The following GLRA3 variants were observed in gnomAD, a reference collection of about 807,000 sequenced individuals.
The protein encoded by GLRA3 is glycine receptor subunit alpha-3.
GLRA3 carries 44 observed loss-of-function variants against 60.4 expected under a neutral mutation model. That is an observed-to-expected ratio of 0.73 (90% CI 0.57 to 0.94). The LOEUF is 0.94. Among genes scored for constraint, GLRA3 ranks in the 40% least tolerant of loss-of-function variants. GLRA3 has a pLI of 0.00. For missense variants in GLRA3, 508 were observed against 564.6 expected (o/e 0.90, Z 1.02); for synonymous variants, 223 against 192.9 (o/e 1.16, Z -1.29).
chr4:174,805,112 G>C (rs1186538826), intron 1 of GLRA3, among the ~76,000 whole-genome samples: 1 of 152,060 alleles, frequency 6.6e-6, no homozygotes, highest in African/African-American at 2.4e-5. Context: ...GCTGCTTTTT[G>C]TTAAAAAAGA....
At chr4:174,730,834 A>C (rs1345794626) in intron 3 of GLRA3, among the ~76,000 whole-genome samples, 2 of 152,190 alleles carry the variant, frequency 1.3e-5, no homozygotes, top group African/African-American at 2.4e-5. Context: ...TAATACATTT[A>C]GTTTAGGGAA....
intron 9 of GLRA3, among the ~76,000 whole-genome samples, chr4:174,650,753 A>G (rs1028490094): frequency 6.6e-6 from 1 of 152,198 alleles, no homozygotes; most frequent in Admixed American, 6.5e-5. Context: ...ATTCTGTGTG[A>G]CAATGGGCCA....
rs184346196 is a variant in GLRA3, at chr4:174,747,449, G to A, written c.268-18751C>T. Among the ~76,000 whole-genome samples the A allele has an allele frequency of 6.2e-3, 947 of 152,196 alleles. 3 individuals carry two copies. Among genetic ancestry groups the A allele is most frequent in the Non-Finnish European group, 8.1e-3 (549 of 68,014 alleles). ...GGAAATTTGAATTTTGCTCCAACAG[G>A]AATTATTTGAGAGCCAATGAAAGAG... On this transcript the variant is annotated intron_variant, in intron 3 of 9. Transcript: ENST00000274093.
intron 7 of GLRA3, among the ~76,000 whole-genome samples, chr4:174,670,733 A>C (rs911224708): frequency 1.3e-5 from 2 of 152,122 alleles, no homozygotes; most frequent in African/African-American, 4.8e-5. Flanking sequence ...AGCTTGATGG[A>C]ATCTAATATT....
chr4:174,685,622 T>C (rs1734528104), intron 5 of GLRA3, among the ~76,000 whole-genome samples: 1 of 152,188 alleles, frequency 6.6e-6, no homozygotes, highest in Non-Finnish European at 1.5e-5. Context: ...TATACTAGAA[T>C]ACATTTCATT....
chr4:174,655,230 T>G (rs1039404802), intron 9 of GLRA3, among the ~76,000 whole-genome samples: 3 of 152,270 alleles, frequency 2.0e-5, no homozygotes, highest in African/African-American at 7.2e-5. Flanking sequence ...ACTCAGACTG[T>G]TTCTAAGCAA....
At chr4:174,808,352 T>C (rs1002009638) in intron 1 of GLRA3, among the ~76,000 whole-genome samples, 1 of 152,096 alleles carries the variant, frequency 6.6e-6, no homozygotes, top group African/African-American at 2.4e-5. Flanking sequence ...AGTGATGTCA[T>C]ACCCATGGTA....
intron 2 of GLRA3, among the ~76,000 whole-genome samples, chr4:174,783,655 C>T (rs1384515912): frequency 9.7e-5 from 14 of 144,996 alleles, no homozygotes; most frequent in African/African-American, 2.0e-4. Flanking sequence ...AAAAAGTGGG[C>T]GAAGGACATG....
chr4:174,731,921 AAG>A (rs1736562284), intron 3 of GLRA3, among the ~76,000 whole-genome samples: 1 of 152,248 alleles, frequency 6.6e-6, no homozygotes, highest in Non-Finnish European at 1.5e-5. Flanking sequence ...TAAGTAAACA[AAG>A]AAGTGCAAAT....
At chr4:174,701,614 T>C (rs1046283340) in intron 5 of GLRA3, among the ~76,000 whole-genome samples, 1 of 152,218 alleles carries the variant, frequency 6.6e-6, no homozygotes, top group African/African-American at 2.4e-5. Flanking sequence ...CTGGGCAAAG[T>C]AAACTGAAAA....
At chr4:174,772,191 T>A (rs1469015753) in intron 2 of GLRA3, among the ~76,000 whole-genome samples, 1 of 152,204 alleles carries the variant, frequency 6.6e-6, no homozygotes, top group African/African-American at 2.4e-5. Flanking sequence ...AAGAATTGAC[T>A]AATTTAGGCT....
intron 1 of GLRA3, among the ~76,000 whole-genome samples, chr4:174,826,168 A>G (rs749720424): frequency 6.6e-6 from 1 of 152,182 alleles, no homozygotes; most frequent in Non-Finnish European, 1.5e-5. Flanking sequence ...ACAAACCCTA[A>G]GAAATACCCA....
At chr4:174,770,615 A>T (rs1738342578) in intron 2 of GLRA3, among the ~76,000 whole-genome samples, 1 of 152,024 alleles carries the variant, frequency 6.6e-6, no homozygotes. Context: ...GAATGTCTAG[A>T]ACACATAATT....
chr4:174,677,678 A>G (rs1734186271), intron 6 of GLRA3, among the ~76,000 whole-genome samples: 1 of 152,094 alleles, frequency 6.6e-6, no homozygotes, highest in Admixed American at 6.6e-5. Context: ...TCATTTTGAT[A>G]AGGATTCTGT....
chr4:174,686,041 A>C (rs7438094), intron 5 of GLRA3, among the ~76,000 whole-genome samples: 64,243 of 152,060 alleles, frequency 0.42, 14,105 homozygotes, highest in Middle Eastern at 0.54. Context: ...GCTTTTGTTT[A>C]AAACAGTCAT....
At chr4:174,672,653 C>A (rs1733954084) in intron 7 of GLRA3, among the ~76,000 whole-genome samples, 1 of 152,100 alleles carries the variant, frequency 6.6e-6, no homozygotes, top group South Asian at 2.1e-4. Context: ...GATCCAAGCC[C>A]ACTCGAACAG....
Position 174,741,261 on chromosome 4 carries a change from A to G in GLRA3, c.268-12563T>C, listed in dbSNP as rs559510853. ...ATTAGTAAATTCAGATTTGTTTAAA[A>G]AATTAATTTCACCTTTTCTAATATG... On this transcript the variant is annotated intron_variant, in intron 3 of 9. Transcript: ENST00000274093. 1.2e-4 allele frequency among the ~76,000 whole-genome samples: 18 copies of G among 152,306 alleles called. 1 individual carries two copies. Among genetic ancestry groups the G allele is most frequent in the Admixed American group, 8.5e-4 (13 of 15,290 alleles).
intron 3 of GLRA3, among the ~76,000 whole-genome samples, chr4:174,735,299 T>C (rs1736730284): frequency 6.6e-6 from 1 of 152,116 alleles, no homozygotes; most frequent in Non-Finnish European, 1.5e-5. Flanking sequence ...ACTTCTCAGC[T>C]CCTAAACTCC....
chr4:174,705,961 C>T (rs1735498066), intron 5 of GLRA3, among the ~76,000 whole-genome samples: 1 of 151,970 alleles, frequency 6.6e-6, no homozygotes, highest in East Asian at 1.9e-4. Flanking sequence ...GAGAAGAGAG[C>T]TAACTTAAGA....
Sources: gnomAD v4.1 joint callset for allele counts (sites outside exome capture counted in the v4.1 genomes callset) on GRCh38, gnomAD v4.1.1 for gene constraint, MANE v1.5 for transcripts, NCBI Gene and HGNC (gene_info 2026-07-23, HGNC 2026-07-21) for gene names.